The following COL4A4 variants were observed in gnomAD, a reference collection of about 807,000 sequenced individuals.
The protein encoded by COL4A4 is collagen alpha-4(IV) chain.
A neutral mutation model predicts 192.9 loss-of-function variants in COL4A4; 105 were observed. The observed-to-expected ratio is 0.54, with a 90% CI of 0.46 to 0.64. The LOEUF (loss-of-function observed/expected upper bound fraction) is 0.64, where lower values mean the gene tolerates loss of function less well. COL4A4 is among the 30% of genes least tolerant of loss of function. The pLI is 0.00. For missense variants in COL4A4, 1,967 were observed against 2,169.3 expected (o/e 0.91, Z 1.85); for synonymous variants, 762 against 769.9 (o/e 0.99, Z 0.17).
the COL4A4 span, among the ~76,000 whole-genome samples, chr2:226,969,995 C>CA: frequency 5.1e-5 from 6 of 118,250 alleles, no homozygotes; most frequent in Non-Finnish European, 6.7e-5. Flanking sequence ...ACTGTCCCCC[C>CA]CCCCTTAATT....
chr2:226,999,043 C>T (rs891345154), downstream of COL4A4: 4 of 152,252 alleles, frequency 2.6e-5, no homozygotes, highest in Non-Finnish European at 5.9e-5. Context: ...TTTCCACATA[C>T]CACTTGGAAT....
chr2:227,147,001 C>T (rs1436725136), intron 2 of COL4A4, among the ~76,000 whole-genome samples: 1 of 152,180 alleles, frequency 6.6e-6, no homozygotes, highest in East Asian at 1.9e-4. Flanking sequence ...TGCCATGTGA[C>T]ATAACATATT....
chr2:227,078,314 T>C (rs1317028639), intron 24 of COL4A4, among the ~76,000 whole-genome samples: 2 of 152,022 alleles, frequency 1.3e-5, no homozygotes, highest in East Asian at 3.9e-4. Flanking sequence ...GCTATCTCGG[T>C]TCACTGCAGC....
At chr2:227,041,848 G>GAAAGAGAGAGAGAGAGAGAGAGAAAGAA in intron 37 of COL4A4, among the ~76,000 whole-genome samples, 1 of 38,732 alleles carries the variant, frequency 2.6e-5, no homozygotes, top group South Asian at 9.4e-4. Flanking sequence ...AAGAAAGAAA[G>GAAAGAGAGAGAGAGAGAGAGAGAAAGAA]AGAAAGAAAG....
In COL4A4 at chr2:227,042,246, C is replaced by G. The variant is rs779653241; in HGVS notation, c.3407G>C (p.Gly1136Ala). 1.1e-5 allele frequency: 18 copies of G among 1,609,242 alleles called. No individual in the cohort carries two copies. Among genetic ancestry groups the G allele is most frequent in the Non-Finnish European group, 1.4e-5 (17 of 1,175,742 alleles). The stretch of plus-strand genomic sequence containing the variant: ...TGGCTGTCCCCTCAGCCCAGGCATC[C>G]CGTGATCACCTGAGGATGACAGGGA... The part of the protein sequence containing the change: ...SGPPGCPGDH[G>A]MPGLRGQPGE... The change falls in exon 37 of 48, where the codon GGG becomes GCG. Residue 1136 changes from glycine (G) to alanine (A), a missense_variant. By Grantham distance (60) the Gly-to-Ala change is moderately conservative (BLOSUM62 0). Coordinates refer to ENST00000396625, the MANE Select transcript of COL4A4 (RefSeq NM_000092.5).
At chr2:227,163,615 C>T (rs2065033781) in intron 1 of COL4A4, among the ~76,000 whole-genome samples, 1 of 152,232 alleles carries the variant, frequency 6.6e-6, no homozygotes, top group African/African-American at 2.4e-5. Context: ...TCGCAGGCCA[C>T]CCCCAGGAAG....
chr2:227,041,930 T>C (rs1443674438), intron 37 of COL4A4, among the ~76,000 whole-genome samples: 1 of 136,940 alleles, frequency 7.3e-6, no homozygotes, highest in Non-Finnish European at 1.6e-5. Context: ...AAGAAAATGG[T>C]AGCACTACCA....
At chr2:227,163,305 A>G (rs759151123) in intron 1 of COL4A4, among the ~76,000 whole-genome samples, 5 of 152,170 alleles carry the variant, frequency 3.3e-5, no homozygotes, top group Non-Finnish European at 5.9e-5. Context: ...AGTTTGGGCT[A>G]TTATCTCAAA....
At chr2:226,991,448 G>A in the COL4A4 span, among the ~76,000 whole-genome samples, 1 of 152,220 alleles carries the variant, frequency 6.6e-6, no homozygotes, top group Admixed American at 6.5e-5. Flanking sequence ...CCAAAGTGCT[G>A]GGATTACAGG....
rs10174459 is a variant in COL4A4, at chr2:227,108,477, G to A, written c.735+104C>T. ...AAGTTCTCAGCCATAAAATTGGGCA[G>A]TGACTAGATAATGAGTACAAGTTCA... On this transcript the variant is annotated intron_variant, in intron 12 of 47. Transcript: ENST00000396625. 0.081 allele frequency: 90,901 copies of A among 1,119,348 alleles called. 6,316 individuals are homozygous for A. The highest frequency in any genetic ancestry group is 0.31 in the East Asian group (13,166 of 42,244). 69.3% of individuals were successfully genotyped at this position (1,119,348 alleles called of 1,614,324 possible). A position where few individuals can be genotyped will look rare whatever the true frequency, so the allele number is the denominator to read the frequency against.
intron 4 of COL4A4, among the ~76,000 whole-genome samples, chr2:227,137,927 A>C (rs923007202): frequency 3.9e-5 from 6 of 152,034 alleles, no homozygotes; most frequent in East Asian, 3.9e-4. Flanking sequence ...TTTTCTATAT[A>C]ATGTGCACAT....
chr2:227,092,834 G>T (rs753633143), intron 20 of COL4A4, among the ~76,000 whole-genome samples: 8 of 152,192 alleles, frequency 5.3e-5, no homozygotes, highest in Non-Finnish European at 1.0e-4. Flanking sequence ...CGGGTGAGGG[G>T]TTGGTGAAAG....
In COL4A4 at chr2:227,109,270, C is replaced by G; in HGVS notation, c.611G>C (p.Gly204Ala). 1.2e-6 allele frequency: 2 copies of G among 1,614,032 alleles called. No individual in the cohort carries two copies. The highest frequency in any genetic ancestry group is 1.7e-6 in the Non-Finnish European group (2 of 1,179,866). ...LPGLPGSWGA[G>A]GPAGPTGYPG... ...ATATCCTGTGGGACCTGCCGGTCCTCCTGCACCCCAAGATCCCTAAACATG... is the reference window on the plus strand; with the variant it reads ...ATATCCTGTGGGACCTGCCGGTCCTGCTGCACCCCAAGATCCCTAAACATG... Residue 204 changes from glycine (G) to alanine (A), a missense_variant, in exon 10 of 48, where the codon GGA (glycine) becomes GCA (alanine). Transcript: ENST00000396625.
intron 37 of COL4A4, among the ~76,000 whole-genome samples, chr2:227,036,906 C>T (rs144141954): frequency 3.9e-5 from 6 of 152,204 alleles, no homozygotes; most frequent in African/African-American, 1.2e-4. Flanking sequence ...TCTTATGAAA[C>T]ATTTTACTTG....
At chr2:227,098,889 T>A in intron 18 of COL4A4, 91 bp from the exon 19 acceptor site, 1 of 1,039,064 alleles carries the variant, frequency 9.6e-7, no homozygotes, top group Non-Finnish European at 1.5e-6. Flanking sequence ...CTCAGTAAAG[T>A]ATAATTAGGA....
chr2:227,089,685 A>G (rs529455286), intron 21 of COL4A4, among the ~76,000 whole-genome samples, 183 bp downstream of exon 21: 1 of 150,714 alleles, frequency 6.6e-6, no homozygotes, highest in African/African-American at 2.4e-5. Flanking sequence ...TTATAAATAT[A>G]TAAGACACAA....
At position 227,105,289 on chromosome 2, in the gene COL4A4, C is replaced by T. The variant is rs1459068258; in HGVS notation, c.736-1237G>A. ...GACTGCAACCTCTGCCTCCCGGGCT[C>T]AAGTGATTCTTGTGCCTCAGCCTCC... is the stretch of plus-strand genomic sequence containing the variant. On this transcript the variant is annotated intron_variant, in intron 12 of 47. Coordinates refer to ENST00000396625, the MANE Select transcript of COL4A4 (RefSeq NM_000092.5). Among the ~76,000 whole-genome samples the T allele has an allele frequency of 3.3e-5, 5 of 149,274 alleles. No individual in the cohort carries two copies. The East Asian group carries it at 7.9e-4, about 24-fold the overall frequency.
rs78421748 is a variant in COL4A4, at chr2:227,144,072, C to T, written c.114+444G>A. 9.0e-3 allele frequency among the ~76,000 whole-genome samples: 1,368 copies of T among 152,300 alleles called. 19 individuals carry two copies. Among genetic ancestry groups the T allele is most frequent in the East Asian group, 0.053 (277 of 5,186 alleles). On this transcript the variant is annotated intron_variant, in intron 3 of 47. Transcript: ENST00000396625. Reference sequence around the variant, plus strand: ...TCTCAAGATCAACCTGAGTTGCAGGCAGGCCACAATGGGATTTCCCAGACA... The same window carrying T: ...TCTCAAGATCAACCTGAGTTGCAGGTAGGCCACAATGGGATTTCCCAGACA...
chr2:227,146,192 C>T (rs1432482312), intron 2 of COL4A4, among the ~76,000 whole-genome samples: 3 of 152,104 alleles, frequency 2.0e-5, no homozygotes, highest in African/African-American at 7.2e-5. Flanking sequence ...GGGGCCAGCT[C>T]GGGTCAGGTC....
Sources: allele counts gnomAD v4.1 joint callset (sites outside exome capture counted in the v4.1 genomes callset), GRCh38; gene constraint gnomAD v4.1.1; transcripts MANE v1.5; gene names NCBI Gene and HGNC (gene_info 2026-07-23, HGNC 2026-07-21).